The following SEC24A variants were observed in gnomAD, a reference collection of about 807,000 sequenced individuals.
The protein encoded by SEC24A is SEC24 homolog A, COPII component.
In SEC24A, 93 loss-of-function variants were observed where a neutral mutation model predicts 129.4. The observed-to-expected ratio is 0.72, with a 90% CI of 0.61 to 0.85. The LOEUF (loss-of-function observed/expected upper bound fraction) is 0.85, where lower values mean the gene tolerates loss of function less well. Among genes scored for constraint, SEC24A ranks in the 40% least tolerant of loss-of-function variants. SEC24A has a pLI of 0.00. For missense variants in SEC24A, 1,264 were observed against 1,307.4 expected (o/e 0.97, Z 0.51); for synonymous variants, 460 against 467.3 (o/e 0.98, Z 0.20).
At chr5:134,706,968 C>T (rs1752178168) in intron 17 of SEC24A, among the ~76,000 whole-genome samples, 1 of 152,128 alleles carries the variant, frequency 6.6e-6, no homozygotes, top group Non-Finnish European at 1.5e-5. Flanking sequence ...GGATTACAGG[C>T]ATGAGCCACC....
At chr5:134,719,122 C>A (rs191949831) in intron 20 of SEC24A, among the ~76,000 whole-genome samples, 1 of 152,202 alleles carries the variant, frequency 6.6e-6, no homozygotes, top group African/African-American at 2.4e-5. Flanking sequence ...TGGCTTATGC[C>A]TGTAATTGCA....
In SEC24A at chr5:134,661,426, T is replaced by G. The variant is rs1750456372; in HGVS notation, c.405T>G (p.Pro135=). ...TTCCTGAAGCCAACCTGCCACCACC[T>G]TTGAATTGGCAATATAACTATCCAT... ...SFLPEANLPP[P]LNWQYNYPST... Residue 135 remains proline, a synonymous_variant, in exon 2 of 23, where the codon CCT becomes CCG. Transcript: ENST00000398844. 1 of 1,614,086 alleles carries G rather than the reference T, an allele frequency of 6.2e-7. No individual in the cohort carries two copies. Among genetic ancestry groups the G allele is most frequent in the Non-Finnish European group, 8.5e-7 (1 of 1,180,050 alleles).
At chr5:134,684,948 C>T (rs142689309) in intron 9 of SEC24A, among the ~76,000 whole-genome samples, 227 of 152,182 alleles carry the variant, frequency 1.5e-3, no homozygotes, top group African/African-American at 5.2e-3. Context: ...TCTTGAGGGG[C>T]AGGTTGTGTG....
chr5:134,658,535 T>C (rs977207083), intron 1 of SEC24A, among the ~76,000 whole-genome samples: 1 of 152,080 alleles, frequency 6.6e-6, no homozygotes, highest in Admixed American at 6.6e-5. Context: ...AGAAGCTAGA[T>C]CTACAGGCAT....
At chr5:134,698,149 C>T (rs1751886346) in intron 15 of SEC24A, 92 bp downstream of exon 15, 2 of 1,088,768 alleles carry the variant, frequency 1.8e-6, no homozygotes, top group Non-Finnish European at 2.6e-6. Context: ...GATTGCCCTT[C>T]TGAGATACTT....
intron 10 of SEC24A, among the ~76,000 whole-genome samples, chr5:134,687,602 A>G (rs558212197): frequency 6.6e-6 from 1 of 152,316 alleles, no homozygotes; most frequent in South Asian, 2.1e-4. Context: ...CACTTTGGTG[A>G]AAAGCTCATT....
chr5:134,653,705 G>T (rs916695016), intron 1 of SEC24A, among the ~76,000 whole-genome samples: 6 of 151,666 alleles, frequency 4.0e-5, no homozygotes, highest in Non-Finnish European at 7.4e-5. Context: ...TCTCTACAAA[G>T]AATTTTTAAA....
Position 134,697,182 on chromosome 5 carries a change from T to C in SEC24A, c.2043T>C (p.Ser681=). Residue 681 remains serine (S), a synonymous_variant, in exon 14 of 23, where the codon TCT becomes TCC. Transcript: ENST00000398844. ...ATAAGAAATTAGCCTTGGACTGTTC[T>C]GGTCAGCAAGTTGCTGTTGACTTAT... ...DFYKKLALDC[S]GQQVAVDLFL... The C allele has an allele frequency of 6.2e-7, 1 of 1,602,164 alleles. No individual in the cohort carries two copies. The highest frequency in any genetic ancestry group is 8.5e-7 in the Non-Finnish European group (1 of 1,170,126).
At chr5:134,688,345 T>C in intron 11 of SEC24A, 46 bp downstream of exon 11, 2 of 1,144,016 alleles carry the variant, frequency 1.7e-6, no homozygotes, top group Non-Finnish European at 1.3e-6. Flanking sequence ...GTTTTAGAAA[T>C]ATTTCTTGAT....
At chr5:134,722,789 C>T (rs1029266463) in intron 21 of SEC24A, among the ~76,000 whole-genome samples, 3 of 152,076 alleles carry the variant, frequency 2.0e-5, no homozygotes, top group African/African-American at 7.2e-5. Context: ...ATCTCAGGAC[C>T]ACAACCCTGC....
intron 9 of SEC24A, among the ~76,000 whole-genome samples, chr5:134,685,343 G>A (rs1751414006): frequency 1.3e-5 from 2 of 151,328 alleles, no homozygotes; most frequent in South Asian, 2.1e-4. Flanking sequence ...TCCAGCCTGA[G>A]TGACAGAGCA....
intron 3 of SEC24A, among the ~76,000 whole-genome samples, chr5:134,670,937 T>A (rs1244920510): frequency 6.6e-6 from 1 of 151,720 alleles, no homozygotes; most frequent in Non-Finnish European, 1.5e-5. Context: ...TGCTGTGAGC[T>A]GAAATCGCAC....
At chr5:134,705,090 A>ATATATATTT (rs1180461537) in intron 16 of SEC24A, among the ~76,000 whole-genome samples, 40 of 123,282 alleles carry the variant, frequency 3.2e-4, no homozygotes, top group African/African-American at 1.1e-3. Context: ...ATATATATAT[A>ATATATATTT]TTTTTTTTTT....
intron 15 of SEC24A, among the ~76,000 whole-genome samples, chr5:134,698,630 GTTT>G (rs1212106367): frequency 8.3e-6 from 1 of 120,468 alleles, no homozygotes; most frequent in African/African-American, 3.1e-5. Context: ...ATAGAGTCTT[GTTT>G]TTTTTTTTTT....
intron 1 of SEC24A, among the ~76,000 whole-genome samples, chr5:134,656,083 C>CTTT (rs70976549): frequency 0.018 from 2,457 of 138,738 alleles, 52 homozygotes; most frequent in Non-Finnish European, 0.029. Context: ...AGCTAAATAT[C>CTTT]TTTTTTTTTT....
intron 12 of SEC24A, chr5:134,693,299 T>C: frequency 7.1e-7 from 1 of 1,404,258 alleles, no homozygotes; most frequent in Non-Finnish European, 9.2e-7. Flanking sequence ...TTTTCTTTTG[T>C]AGTGATATTA....
intron 19 of SEC24A, 64 bp downstream of exon 19, chr5:134,715,225 C>G: frequency 7.6e-7 from 1 of 1,312,160 alleles, no homozygotes; most frequent in Non-Finnish European, 1.1e-6. Context: ...TAGTCCAGTA[C>G]AGAAATGAGG....
chr5:134,697,118 A>G lies in SEC24A; in HGVS notation c.1987-8A>G, dbSNP rs750982328. ...TTAAAATGTCTCTTTATAATTTATT[A>G]TAAATAGGATATACACATGACACCA... On this transcript the variant is annotated splice_region_variant and splice_polypyrimidine_tract_variant and intron_variant, in intron 13 of 22. Transcript: ENST00000398844. 6 of 1,418,448 alleles carry G rather than the reference A, an allele frequency of 4.2e-6. No homozygotes were observed. Among genetic ancestry groups the G allele is most frequent in the Non-Finnish European group, 5.8e-6 (6 of 1,033,124 alleles). The allele number at this position is 1,418,448 out of a possible 1,614,324, so 87.9% of individuals were successfully genotyped here.
chr5:134,697,798 C>T (rs1434458704), intron 14 of SEC24A, 101 bp from the exon 15 acceptor site: 2 of 1,233,754 alleles, frequency 1.6e-6, no homozygotes, highest in Admixed American at 2.3e-5. Flanking sequence ...AGTAGTTTAC[C>T]TTGGAAAGTT....
Sources: gnomAD v4.1 joint callset for allele counts (sites outside exome capture counted in the v4.1 genomes callset) on GRCh38, gnomAD v4.1.1 for gene constraint, MANE v1.5 for transcripts, NCBI Gene and HGNC (gene_info 2026-07-23, HGNC 2026-07-21) for gene names.